DNAJC1: variants seen among roughly 807,000 people sequenced by gnomAD.
The protein encoded by DNAJC1 is DnaJ heat shock protein family (Hsp40) member C1.
Under a neutral mutation model 76.6 loss-of-function variants are expected in DNAJC1, and 58 were observed. The ratio of observed to expected loss-of-function variants is 0.76; its 90% CI spans 0.61 to 0.94. The LOEUF (loss-of-function observed/expected upper bound fraction) is 0.94. Among genes scored for constraint, DNAJC1 ranks in the 40% least tolerant of loss-of-function variants. The pLI is 0.00. For missense variants in DNAJC1, 689 were observed against 677.3 expected, an observed-to-expected ratio of 1.02 and a Z score of -0.19; for synonymous variants, 258 against 267.9, an observed-to-expected ratio of 0.96 and a Z score of 0.36.
chr10:21,906,515 T>C (rs1285824984), intron 6 of DNAJC1, among the ~76,000 whole-genome samples: 1 of 152,140 alleles, frequency 6.6e-6, no homozygotes. Flanking sequence ...AGGCATTGGC[T>C]CCTTGAGGGG....
chr10:21,816,692 C>T (rs1175844667), intron 8 of DNAJC1, among the ~76,000 whole-genome samples: 3 of 150,812 alleles, frequency 2.0e-5, no homozygotes, highest in Admixed American at 6.6e-5. Context: ...ACTACAGGCG[C>T]CACCCACCAT....
intron 8 of DNAJC1, among the ~76,000 whole-genome samples, chr10:21,849,496 G>C (rs1835716674): frequency 6.6e-6 from 1 of 151,472 alleles, no homozygotes; most frequent in Non-Finnish European, 1.5e-5. Context: ...TTTTTAAAAA[G>C]ACAAAACTGA....
chr10:21,855,400 G>A (rs932290882), intron 8 of DNAJC1, among the ~76,000 whole-genome samples: 2 of 152,014 alleles, frequency 1.3e-5, no homozygotes, highest in Admixed American at 6.6e-5. Context: ...TTACTTATGT[G>A]ATAAATATCT....
chr10:21,892,075 C>A (rs1042657726), intron 7 of DNAJC1, among the ~76,000 whole-genome samples: 6 of 151,522 alleles, frequency 4.0e-5, no homozygotes, highest in Admixed American at 3.9e-4. Flanking sequence ...CTTGAAATAG[C>A]AAAAATCTGA....
intron 8 of DNAJC1, among the ~76,000 whole-genome samples, chr10:21,835,158 C>T (rs1338568901): frequency 2.6e-5 from 4 of 152,168 alleles, no homozygotes; most frequent in African/African-American, 7.2e-5. Flanking sequence ...ACAGCAGCGT[C>T]TGGGGTTCAC....
chr10:21,971,549 G>C (rs936314308), intron 1 of DNAJC1, among the ~76,000 whole-genome samples: 2 of 151,638 alleles, frequency 1.3e-5, no homozygotes, highest in African/African-American at 4.8e-5. Context: ...ATGAAAAACA[G>C]GGACAATTTT....
At chr10:21,968,381 G>GACC (rs1360668213) in intron 1 of DNAJC1, among the ~76,000 whole-genome samples, 1 of 152,086 alleles carries the variant, frequency 6.6e-6, no homozygotes, top group Non-Finnish European at 1.5e-5. Flanking sequence ...AAGGATTAGA[G>GACC]ACCTTATGTT....
chr10:21,779,867 T>TAACTAGAATA (rs1834504584), intron 9 of DNAJC1, among the ~76,000 whole-genome samples: 2 of 152,268 alleles, frequency 1.3e-5, no homozygotes, highest in South Asian at 4.1e-4. Context: ...GACGAATGGC[T>TAACTAGAATA]AACTAGAATA....
At chr10:21,858,960 T>A (rs923908252) in intron 8 of DNAJC1, among the ~76,000 whole-genome samples, 3 of 152,230 alleles carry the variant, frequency 2.0e-5, no homozygotes, top group Non-Finnish European at 4.4e-5. Flanking sequence ...AATATTTAAC[T>A]ACATTGTTTT....
At position 21,852,092 on chromosome 10, in the gene DNAJC1, T is replaced by TACACAC. The variant is rs58289439; in HGVS notation, c.978+30184_978+30189dup. Among the ~76,000 whole-genome samples, 304 of 146,194 alleles carry TACACAC rather than the reference T, an allele frequency of 2.1e-3. 1 individual carries two copies. Among genetic ancestry groups the TACACAC allele is most frequent in the Non-Finnish European group, 3.4e-3 (224 of 66,656 alleles). The stretch of plus-strand genomic sequence containing the variant: ...ATAAAAAAAATAAAAAATTGTGAGA[T>TACACAC]ACACACACACACACACACACACACA... On this transcript the variant is annotated intron_variant, in intron 8 of 11. Coordinates refer to ENST00000376980, the MANE Select transcript of DNAJC1 (RefSeq NM_022365.4).
chr10:21,847,036 ATATG>A (rs1231261037), intron 8 of DNAJC1, among the ~76,000 whole-genome samples: 10 of 152,214 alleles, frequency 6.6e-5, no homozygotes, highest in African/African-American at 2.4e-4. Flanking sequence ...CTAGAAATAA[ATATG>A]TATTACTCCT....
At chr10:21,822,001 T>C (rs1056813021) in intron 8 of DNAJC1, among the ~76,000 whole-genome samples, 1 of 152,340 alleles carries the variant, frequency 6.6e-6, no homozygotes, top group African/African-American at 2.4e-5. Context: ...AAAGGTCATA[T>C]TATTCAACAG....
At chr10:21,894,317 T>A (rs1415286112) in intron 7 of DNAJC1, among the ~76,000 whole-genome samples, 1 of 152,184 alleles carries the variant, frequency 6.6e-6, no homozygotes, top group Non-Finnish European at 1.5e-5. Flanking sequence ...ACGTCTGTAA[T>A]CCCAACACTT....
intron 8 of DNAJC1, among the ~76,000 whole-genome samples, chr10:21,866,722 T>C (rs1404872743): frequency 6.6e-6 from 1 of 152,100 alleles, no homozygotes; most frequent in East Asian, 1.9e-4. Context: ...CCCACAGATA[T>C]ACAATTCTCT....
At chr10:21,970,537 C>T (rs558497089) in intron 1 of DNAJC1, among the ~76,000 whole-genome samples, 2 of 152,078 alleles carry the variant, frequency 1.3e-5, no homozygotes, top group East Asian at 3.9e-4. Flanking sequence ...GGAGAAAATA[C>T]TTGCAATCCT....
At chr10:21,997,126 G>C (rs1838428910) in intron 1 of DNAJC1, among the ~76,000 whole-genome samples, 1 of 152,112 alleles carries the variant, frequency 6.6e-6, no homozygotes, top group Non-Finnish European at 1.5e-5. Context: ...GGATTCCACT[G>C]CAAGAATCAC....
At chr10:21,989,679 G>A (rs1838299845) in intron 1 of DNAJC1, among the ~76,000 whole-genome samples, 1 of 152,204 alleles carries the variant, frequency 6.6e-6, no homozygotes, top group African/African-American at 2.4e-5. Context: ...TATCTGAGAT[G>A]TTAAGAGGCA....
intron 8 of DNAJC1, among the ~76,000 whole-genome samples, chr10:21,849,948 A>G (rs1474519567): frequency 2.6e-5 from 4 of 152,182 alleles, no homozygotes; most frequent in African/African-American, 9.6e-5. Flanking sequence ...CCAATAAAGT[A>G]GGAATAGAAG....
intron 1 of DNAJC1, among the ~76,000 whole-genome samples, chr10:21,940,676 A>G (rs995092491): frequency 2.6e-5 from 4 of 152,164 alleles, no homozygotes; most frequent in African/African-American, 9.7e-5. Context: ...TGTCCTCTCC[A>G]TAAGATTAAA....
Sources: allele counts gnomAD v4.1 joint callset (sites outside exome capture counted in the v4.1 genomes callset), GRCh38; gene constraint gnomAD v4.1.1; transcripts MANE v1.5; gene names NCBI Gene and HGNC (gene_info 2026-07-23, HGNC 2026-07-21).